ATR: variants seen among roughly 807,000 people sequenced by gnomAD.
The protein encoded by ATR is serine/threonine-protein kinase ATR.
ATR carries 142 observed loss-of-function variants against 305.3 expected under a neutral mutation model. The observed-to-expected ratio is 0.47, with a 90% confidence interval of 0.41 to 0.53. The LOEUF (loss-of-function observed/expected upper bound fraction) is 0.53, where lower values mean the gene tolerates loss of function less well. Among genes scored for constraint, ATR ranks in the 20% least tolerant of loss-of-function variants. ATR has a pLI of 0.00. For synonymous variants in ATR, 1,050 were observed against 1,068.1 expected, an observed-to-expected ratio of 0.98 and a Z score of 0.33; for missense variants, 2,135 against 3,133.1, an observed-to-expected ratio of 0.68 and a Z score of 7.60.
At chr3:142,534,056 C>T (rs2108421596) in intron 21 of ATR, among the ~76,000 whole-genome samples, 1 of 152,134 alleles carries the variant, frequency 6.6e-6, no homozygotes. Context: ...ATAACCTAAA[C>T]TAGAAAACCT....
intron 46 of ATR, chr3:142,451,323 A>G: frequency 6.3e-6 from 8 of 1,269,834 alleles, no homozygotes; most frequent in Non-Finnish European, 8.1e-6. Flanking sequence ...CCTTATGGCC[A>G]GTGTTGCAAC....
At chr3:142,565,163 CA>C (rs2035023829) in intron 3 of ATR, among the ~76,000 whole-genome samples, 1 of 152,032 alleles carries the variant, frequency 6.6e-6, no homozygotes, top group Admixed American at 6.5e-5. Context: ...AGAATATAGA[CA>C]AACCAATGAT....
rs778250007 is a variant in ATR at position 142,512,221 on chromosome 3, A to G, written c.4852+39T>C. 1.9e-5 allele frequency: 3 copies of G among 154,458 alleles called. No individual in the cohort carries two copies. In the East Asian group the frequency reaches 7.3e-4, roughly 38 times the overall value. The allele number at this position is 154,458 out of a possible 1,614,324, so 9.6% of individuals were successfully genotyped here. ...GGGAAGAGCTAATTGGTGAATAGCT[A>G]AAAAAAAAAAAAAAAAAGAAACAGA... On this transcript the variant is annotated intron_variant, in intron 27 of 46. Transcript: ENST00000350721.
intron 35 of ATR, 106 bp from the exon 36 acceptor site, chr3:142,485,388 G>C: frequency 7.4e-7 from 1 of 1,356,264 alleles, no homozygotes; most frequent in Middle Eastern, 1.9e-4. Flanking sequence ...CCTTTATCTA[G>C]GCAGAGCAAA....
rs1482392993 is a variant in ATR at position 142,553,417 on chromosome 3, T to C, written c.2634-19A>G. 6.3e-7 allele frequency: 1 copy of C among 1,597,186 alleles called. No homozygotes were observed. The highest frequency in any genetic ancestry group is 2.2e-5 in the East Asian group (1 of 44,612). On this transcript the variant is annotated intron_variant, in intron 12 of 46. Transcript: ENST00000350721. ...TGCGGCCCTAAAATTAAAAACAACA[T>C]ACATATGAATACACAAACACACACA...
chr3:142,498,169 C>T lies in ATR; in HGVS notation c.5558+428G>A, dbSNP rs78764403. Among the ~76,000 whole-genome samples, 7 of 152,262 alleles carry T rather than the reference C, an allele frequency of 4.6e-5. No homozygotes were observed. In the East Asian group the frequency reaches 1.3e-3, roughly 29 times the overall value. On this transcript the variant is annotated intron_variant, in intron 32 of 46. Coordinates refer to ENST00000350721, the MANE Select transcript of ATR (RefSeq NM_001184.4). ...GACCTAAAATGTTTTCCAACATTTTCTTCTTCACCTATAAAAGTTAATATT... is the reference window on the plus strand; with the variant it reads ...GACCTAAAATGTTTTCCAACATTTTTTTCTTCACCTATAAAAGTTAATATT...
intron 46 of ATR, chr3:142,452,405 T>C (rs2070812026): frequency 1.0e-6 from 1 of 987,104 alleles, no homozygotes; most frequent in South Asian, 4.7e-5. Context: ...CTAGGCACAG[T>C]GGCTTATGCC....
chr3:142,486,910 T>C (rs902214665), intron 35 of ATR, among the ~76,000 whole-genome samples: 2 of 146,650 alleles, frequency 1.4e-5, no homozygotes, highest in Non-Finnish European at 3.0e-5. Flanking sequence ...GGTCAGGAGA[T>C]TGAGACCATC....
chr3:142,546,774 G>A (rs1478646950), intron 16 of ATR, among the ~76,000 whole-genome samples: 1 of 152,166 alleles, frequency 6.6e-6, no homozygotes, highest in Non-Finnish European at 1.5e-5. Flanking sequence ...ATACTGAAAG[G>A]TTGAATAAGA....
rs1577699270 is a variant in ATR at position 142,560,537 on chromosome 3, A to G, written c.1350-83T>C. 1.8e-5 allele frequency: 24 copies of G among 1,356,166 alleles called. No homozygotes were observed. The East Asian group carries it at 5.9e-4, about 33-fold the overall frequency. The allele number at this position is 1,356,166 out of a possible 1,614,324, so 84.0% of individuals were successfully genotyped here. ...ATGAAACATATTTAGAATAAAACAT[A>G]CTATGTAATATCAACTATTCAAAAA... On this transcript the variant is annotated intron_variant, in intron 5 of 46. Transcript: ENST00000350721.
chr3:142,498,235 T>C (rs1025304808), intron 32 of ATR, among the ~76,000 whole-genome samples: 1 of 152,144 alleles, frequency 6.6e-6, no homozygotes, highest in African/African-American at 2.4e-5. Context: ...GGGGGAAATA[T>C]CAAACACATT....
intron 16 of ATR, 149 bp downstream of exon 16, chr3:142,547,576 A>C: frequency 1.2e-6 from 1 of 845,296 alleles, no homozygotes; most frequent in East Asian, 2.7e-5. Flanking sequence ...GATTTAAATC[A>C]GCCTTTTCAA....
At chr3:142,554,470 C>T (rs1005211593) in intron 10 of ATR, among the ~76,000 whole-genome samples, 19 of 152,188 alleles carry the variant, frequency 1.2e-4, no homozygotes, top group African/African-American at 3.4e-4. Context: ...TCAGGCAATC[C>T]GCCTGTCTCG....
At chr3:142,547,993 AGTAC>A in intron 15 of ATR, 83 bp from the exon 16 acceptor site, 1 of 1,214,470 alleles carries the variant, frequency 8.2e-7, no homozygotes, top group Non-Finnish European at 1.2e-6. Flanking sequence ...ACATGCTATT[AGTAC>A]ATCAGGAGCT....
At chr3:142,485,838 T>C (rs1408215624) in intron 35 of ATR, among the ~76,000 whole-genome samples, 1 of 152,258 alleles carries the variant, frequency 6.6e-6, no homozygotes, top group East Asian at 1.9e-4. Context: ...AAGGATTCTC[T>C]ACCTCACATT....
intron 2 of ATR, among the ~76,000 whole-genome samples, chr3:142,566,580 C>T (rs549399388): frequency 7.3e-6 from 1 of 137,870 alleles, no homozygotes. Flanking sequence ...GCTACGATCA[C>T]ACTATTGCAC....
chr3:142,465,988 C>T (rs373087539), intron 40 of ATR, among the ~76,000 whole-genome samples: 2 of 125,586 alleles, frequency 1.6e-5, no homozygotes, highest in East Asian at 2.2e-4. Context: ...CCAACCCGGG[C>T]AACAGAATGA....
At chr3:142,500,477 C>T (rs1351838040) in intron 30 of ATR, among the ~76,000 whole-genome samples, 1 of 152,038 alleles carries the variant, frequency 6.6e-6, no homozygotes, top group Middle Eastern at 3.2e-3. Context: ...TGAATTTCTG[C>T]CATATGTTTA....
At chr3:142,516,125 A>G (rs898635295) in intron 24 of ATR, among the ~76,000 whole-genome samples, 1 of 152,076 alleles carries the variant, frequency 6.6e-6, no homozygotes, top group African/African-American at 2.4e-5. Context: ...CAGCACACCC[A>G]TTCTCTCTTG....
Sources: allele counts gnomAD v4.1 joint callset (sites outside exome capture counted in the v4.1 genomes callset), GRCh38; gene constraint gnomAD v4.1.1; transcripts MANE v1.5; gene names NCBI Gene and HGNC (gene_info 2026-07-23, HGNC 2026-07-21).